The following STYK1 variants were observed in gnomAD, a reference collection of about 807,000 sequenced individuals.
STYK1 encodes tyrosine-protein kinase STYK1.
In STYK1, 46 loss-of-function variants were observed where a neutral mutation model predicts 48.1. The observed-to-expected ratio is 0.96, with a 90% CI of 0.75 to 1.22. STYK1 has a LOEUF of 1.22. STYK1 is among the 50% of genes most tolerant of loss of function. The probability of loss-of-function intolerance (pLI) is 0.00; values close to 1 mark genes in which losing one functional copy is unlikely to be tolerated. For missense variants in STYK1, 527 were observed against 521.1 expected (o/e 1.01, Z -0.11); for synonymous variants, 188 against 189.0 (o/e 0.99, Z 0.04).
chr12:10,655,945 AG>A (rs998413430), intron 1 of STYK1, among the ~76,000 whole-genome samples: 1 of 152,112 alleles, frequency 6.6e-6, no homozygotes, highest in African/African-American at 2.4e-5. Flanking sequence ...CTGAGGAAAA[AG>A]TTTTTTTCTT....
chr12:10,656,790 G>C (rs1243850500), intron 1 of STYK1, among the ~76,000 whole-genome samples: 1 of 152,120 alleles, frequency 6.6e-6, no homozygotes, highest in African/African-American at 2.4e-5. Flanking sequence ...TCCTGTTTTG[G>C]AAAAAAGCCT....
At chr12:10,656,574 G>A (rs746870512) in intron 1 of STYK1, among the ~76,000 whole-genome samples, 17 of 152,080 alleles carry the variant, frequency 1.1e-4, no homozygotes, top group Non-Finnish European at 1.6e-4. Context: ...GCAGTGAGCC[G>A]AGATCACGTC....
rs1458063811 is a variant in STYK1 at position 10,631,201 on chromosome 12, T to C, written c.295A>G (p.Thr99Ala). 2.5e-6 allele frequency: 4 copies of C among 1,614,206 alleles called. No individual in the cohort carries two copies. The highest frequency in any genetic ancestry group is 3.3e-5 in the Admixed American group (2 of 60,024). The change falls in exon 5 of 11, where the codon ACC (threonine) becomes GCC (alanine). Residue 99 changes from threonine (T) to alanine (A), a missense_variant. Thr to Ala is a moderately conservative substitution (Grantham distance 58, BLOSUM62 0). Transcript: ENST00000075503. ...ETSVENFLGATTPALAKLQVP... is the reference protein window; with the variant it reads ...ETSVENFLGAATPALAKLQVP... ...TGCAGCTTAGCCAGGGCAGGTGTGG[T>C]AGCTCCCAGAAAGTTTTCCACGGAT...
In STYK1 at chr12:10,619,602, C is replaced by T. The variant is rs530645208; in HGVS notation, c.*542G>A. 8 of 158,948 alleles carry T rather than the reference C, an allele frequency of 5.0e-5. No individual in the cohort carries two copies. In the South Asian group the frequency reaches 1.2e-3, roughly 24 times the overall value. The allele number at this position is 158,948 out of a possible 1,614,324, so 9.8% of individuals were successfully genotyped here. ...CTAAGGTGAAACTCAGAGGTTTTTCCGTTATAGTTCTCCTCCAACCCCACA... is the reference window on the plus strand; with the variant it reads ...CTAAGGTGAAACTCAGAGGTTTTTCTGTTATAGTTCTCCTCCAACCCCACA... On this transcript the variant is annotated 3_prime_UTR_variant, in exon 11 of 11. Coordinates refer to ENST00000075503, the MANE Select transcript of STYK1 (RefSeq NM_018423.3).
rs554694983 is a variant in STYK1, at chr12:10,620,304, C to T, written c.1109G>A (p.Arg370His). ...CAAGCGCAGCTCTCTAGGTGAGGGGCGGTCAGCCTCACGCCAGCGCCAGCA... is the reference window on the plus strand; with the variant it reads ...CAAGCGCAGCTCTCTAGGTGAGGGGTGGTCAGCCTCACGCCAGCGCCAGCA... ...KSCWRWREAD[R>H]PSPRELRLRL... The change falls in exon 11 of 11, where the codon CGC becomes CAC. Residue 370 changes from arginine to histidine, a missense_variant. By Grantham distance (29) the Arg-to-His change is conservative. Transcript: ENST00000075503. The T allele has an allele frequency of 1.5e-5, 24 of 1,613,692 alleles. No individual in the cohort carries two copies. Among genetic ancestry groups the T allele is most frequent in the East Asian group, 2.2e-5 (1 of 44,882 alleles).
intron 1 of STYK1, among the ~76,000 whole-genome samples, chr12:10,659,743 T>C (rs560371787): frequency 1.3e-4 from 20 of 152,322 alleles, no homozygotes; most frequent in Admixed American, 8.5e-4. Context: ...AGAACCTATG[T>C]GAAAAATAAT....
intron 1 of STYK1, among the ~76,000 whole-genome samples, chr12:10,669,044 TA>T (rs1250213826): frequency 1.3e-5 from 2 of 151,832 alleles, no homozygotes; most frequent in African/African-American, 4.9e-5. Flanking sequence ...TTCATGGGAA[TA>T]AAAGTTTAGG....
chr12:10,669,209 A>G (rs74616407), intron 1 of STYK1, among the ~76,000 whole-genome samples: 1,897 of 152,340 alleles, frequency 0.012, 10 homozygotes, highest in African/African-American at 0.029. Context: ...AATAACCTAT[A>G]GAAACTAATG....
intron 8 of STYK1, 33 bp from the exon 9 acceptor site, chr12:10,622,711 C>A: frequency 6.2e-7 from 1 of 1,613,440 alleles, no homozygotes; most frequent in Non-Finnish European, 8.5e-7. Context: ...TATTTAATTT[C>A]TATTTCTGTT....
At chr12:10,653,812 T>A (rs932341810) in intron 1 of STYK1, among the ~76,000 whole-genome samples, 1 of 152,206 alleles carries the variant, frequency 6.6e-6, no homozygotes, top group Non-Finnish European at 1.5e-5. Context: ...AACGTGGCAC[T>A]GCATTAATGT....
chr12:10,662,632 A>C (rs1947789509), intron 1 of STYK1, among the ~76,000 whole-genome samples: 1 of 152,162 alleles, frequency 6.6e-6, no homozygotes, highest in Non-Finnish European at 1.5e-5. Flanking sequence ...ACATCTTTTC[A>C]TGTGCTCATT....
rs1303313298 is a variant in STYK1, at chr12:10,633,989, C to T, written c.187+1G>A. The T allele has an allele frequency of 6.2e-7, 1 of 1,613,388 alleles. No homozygotes were observed. Among genetic ancestry groups the T allele is most frequent in the Non-Finnish European group, 8.5e-7 (1 of 1,179,786 alleles). On this transcript the variant is annotated splice_donor_variant, in intron 4 of 10. Coordinates refer to ENST00000075503, the MANE Select transcript of STYK1 (RefSeq NM_018423.3). LOFTEE classifies it high-confidence loss of function. The stretch of plus-strand genomic sequence containing the variant: ...GCCCAGCCCCAAAGTTTGAGCTTTA[C>T]CTTGAGGTCCAGAACGCTGCTGTTG...
chr12:10,650,766 G>A (rs540254435), intron 1 of STYK1, among the ~76,000 whole-genome samples: 18 of 152,144 alleles, frequency 1.2e-4, no homozygotes, highest in African/African-American at 3.6e-4. Flanking sequence ...TTTGGGAGGC[G>A]GAGGCAGGCG....
chr12:10,627,818 T>A, intron 6 of STYK1, 94 bp from the exon 7 acceptor site: 6 of 1,041,752 alleles, frequency 5.8e-6, no homozygotes, highest in Non-Finnish European at 8.4e-6. Flanking sequence ...TGAAATGCAG[T>A]TATCAAAGCT....
intron 1 of STYK1, among the ~76,000 whole-genome samples, chr12:10,669,355 G>C (rs984849581): frequency 1.3e-5 from 2 of 152,046 alleles, no homozygotes; most frequent in Non-Finnish European, 2.9e-5. Context: ...TCATTAAGCA[G>C]GTTGTTTTTC....
At chr12:10,673,759 AC>A (rs1469158686) in intron 1 of STYK1, 1 of 152,160 alleles carries the variant, frequency 6.6e-6, no homozygotes, top group East Asian at 1.9e-4. Flanking sequence ...CAGAAGCCAA[AC>A]CCCACAAGAT....
At position 10,673,256 on chromosome 12, in the gene STYK1, A is replaced by C. The variant is rs185635926; in HGVS notation, c.-195+710T>G. Among the ~76,000 whole-genome samples the C allele has an allele frequency of 3.1e-3, 476 of 152,290 alleles. 2 individuals are homozygous for C. The highest frequency in any genetic ancestry group is 0.011 in the African/African-American group (452 of 41,560). On this transcript the variant is annotated intron_variant, in intron 1 of 10. Coordinates refer to ENST00000075503, the MANE Select transcript of STYK1 (RefSeq NM_018423.3). ...GCCGGCCGTGGTGGTGGGAGCCTGT[A>C]ATCCCAGCTACTTGGGAGGCTGAGG...
chr12:10,624,884 T>C, intron 7 of STYK1, 25 bp from the exon 8 acceptor site: 3 of 1,607,798 alleles, frequency 1.9e-6, no homozygotes, highest in Non-Finnish European at 2.6e-6. Flanking sequence ...TCAAATATGA[T>C]CAGCTGTCTG....
intron 1 of STYK1, among the ~76,000 whole-genome samples, chr12:10,650,701 C>T (rs1947653107): frequency 6.6e-6 from 1 of 152,116 alleles, no homozygotes; most frequent in Admixed American, 6.6e-5. Flanking sequence ...ATTCAGTGAA[C>T]TGAAAGTGCA....
Sources: gnomAD v4.1 joint callset for allele counts (sites outside exome capture counted in the v4.1 genomes callset) on GRCh38, gnomAD v4.1.1 for gene constraint, MANE v1.5 for transcripts, NCBI Gene and HGNC (gene_info 2026-07-23, HGNC 2026-07-21) for gene names.